TLK1: variants seen among roughly 807,000 people sequenced by gnomAD.
The protein encoded by TLK1 is tousled like kinase 1.
In TLK1, 24 loss-of-function variants were observed where a neutral mutation model predicts 105.3. The ratio of observed to expected loss-of-function variants is 0.23; its 90% CI spans 0.17 to 0.32. TLK1 has a LOEUF of 0.32. TLK1 is among the 10% of genes least tolerant of loss of function. The pLI is 1.00. For synonymous variants in TLK1, 321 were observed against 310.4 expected, an observed-to-expected ratio of 1.03 and a Z score of -0.36; for missense variants, 558 against 910.5, an observed-to-expected ratio of 0.61 and a Z score of 4.98.
rs147595376 is a variant in TLK1 at position 171,117,820 on chromosome 2, C to T, written c.177G>A (p.Arg59=). The part of the protein sequence containing the change: ...MDELHSLDPR[R]QELLEARFTG... ...TAAATCTAGCTTCCAATAACTCTTG[C>T]CTTCTTGGATCCAGACTATGAAGCT... The change falls in exon 2 of 21, where the codon AGG becomes AGA. Residue 59 remains arginine, a synonymous_variant. Transcript: ENST00000431350. 7.4e-6 allele frequency: 12 copies of T among 1,613,738 alleles called. No homozygotes were observed. Among genetic ancestry groups the T allele is most frequent in the Middle Eastern group, 3.3e-4 (2 of 6,052 alleles).
intron 1 of TLK1, among the ~76,000 whole-genome samples, chr2:171,203,666 GTTAA>G (rs1336825846): frequency 1.3e-5 from 2 of 152,172 alleles, no homozygotes; most frequent in African/African-American, 4.8e-5. Context: ...CATTGAGAAT[GTTAA>G]TTTATACAGA....
chr2:171,188,873 TAAA>T (rs35406910), intron 1 of TLK1, among the ~76,000 whole-genome samples: 4 of 125,542 alleles, frequency 3.2e-5, no homozygotes, highest in Non-Finnish European at 5.2e-5. Flanking sequence ...AGATTCTGTC[TAAA>T]AAAAAAAAAA....
At chr2:171,227,188 C>G (rs1693912883) in intron 1 of TLK1, among the ~76,000 whole-genome samples, 1 of 152,180 alleles carries the variant, frequency 6.6e-6, no homozygotes. Flanking sequence ...TGAGGTGGAG[C>G]TGACCCTTAC....
At chr2:171,029,908 G>A (rs553172275) in intron 11 of TLK1, among the ~76,000 whole-genome samples, 1 of 152,244 alleles carries the variant, frequency 6.6e-6, no homozygotes, top group East Asian at 1.9e-4. Flanking sequence ...ACCATGCCTA[G>A]CTAAGTTTTG....
At chr2:171,146,228 G>T (rs866114921) in intron 1 of TLK1, among the ~76,000 whole-genome samples, 50 of 152,234 alleles carry the variant, frequency 3.3e-4, no homozygotes, top group African/African-American at 1.2e-3. Context: ...GGAGGCAGAG[G>T]TGGGAAGATC....
intron 1 of TLK1, among the ~76,000 whole-genome samples, chr2:171,171,048 C>T (rs1487597230): frequency 6.6e-6 from 1 of 151,618 alleles, no homozygotes; most frequent in African/African-American, 2.4e-5. Context: ...AAAATTAAAA[C>T]AAATAAAGCT....
At chr2:171,059,765 A>C (rs1027138254) in intron 4 of TLK1, among the ~76,000 whole-genome samples, 4 of 152,196 alleles carry the variant, frequency 2.6e-5, no homozygotes, top group African/African-American at 9.7e-5. Flanking sequence ...GTTCCACCTC[A>C]GATCATCAGG....
At position 171,003,273 on chromosome 2, in the gene TLK1, C is replaced by CAAAAAAAAAAAAAA. The variant is rs777049271; in HGVS notation, c.1904+2860_1904+2873dup. On this transcript the variant is annotated intron_variant, in intron 18 of 20. Transcript: ENST00000431350. ...TGGGCGACAGAGCAAGACTCCGTCT[C>CAAAAAAAAAAAAAA]AAAAAAAAAAAAAAAAAAAAAAAAA... Among the ~76,000 whole-genome samples the CAAAAAAAAAAAAAA allele has an allele frequency of 2.5e-4, 17 of 68,498 alleles. 3 individuals carry two copies. Among genetic ancestry groups the CAAAAAAAAAAAAAA allele is most frequent in the African/African-American group, 9.8e-4 (12 of 12,232 alleles). 44.9% of individuals were successfully genotyped at this position (68,498 alleles called of 152,430 possible).
intron 3 of TLK1, chr2:171,081,761 G>A: frequency 8.1e-7 from 1 of 1,233,850 alleles, no homozygotes; most frequent in South Asian, 1.3e-5. Flanking sequence ...CTCCTTTGTA[G>A]TGTCAGGGTG....
At chr2:171,131,086 T>C (rs1186362179) in intron 1 of TLK1, among the ~76,000 whole-genome samples, 1 of 151,474 alleles carries the variant, frequency 6.6e-6, no homozygotes, top group Non-Finnish European at 1.5e-5. Flanking sequence ...TATATATAGA[T>C]AGATGCAGAG....
chr2:171,197,200 T>C (rs950985816), intron 1 of TLK1, among the ~76,000 whole-genome samples: 2 of 152,192 alleles, frequency 1.3e-5, no homozygotes, highest in African/African-American at 4.8e-5. Context: ...TATGATAAAC[T>C]TCTAGGTTTT....
At chr2:171,021,806 T>TTA (rs1291176602) in intron 12 of TLK1, among the ~76,000 whole-genome samples, 1 of 152,088 alleles carries the variant, frequency 6.6e-6, no homozygotes, top group African/African-American at 2.4e-5. Context: ...AGGATTAATA[T>TTA]TAAACACTGT....
chr2:171,055,203 C>CAAAAAAAAAAAA lies in TLK1; in HGVS notation c.550-43_550-32dup, dbSNP rs71399594. On this transcript the variant is annotated intron_variant, in intron 6 of 20. Coordinates refer to ENST00000431350, the MANE Select transcript of TLK1 (RefSeq NM_012290.5). The stretch of plus-strand genomic sequence containing the variant: ...GAAATTATTAAAATTTTTATATTAG[C>CAAAAAAAAAAAA]AAAAAAAAAAAAAAAAAACACAAAA... 27 of 518,322 alleles carry CAAAAAAAAAAAA rather than the reference C, an allele frequency of 5.2e-5. 1 individual carries two copies. The highest frequency in any genetic ancestry group is 5.4e-4 in the Middle Eastern group (1 of 1,842). The allele number at this position is 518,322 out of a possible 1,614,324, so 32.1% of individuals were successfully genotyped here.
intron 1 of TLK1, among the ~76,000 whole-genome samples, chr2:171,210,407 C>A (rs552326731): frequency 6.6e-6 from 1 of 152,026 alleles, no homozygotes; most frequent in Non-Finnish European, 1.5e-5. Flanking sequence ...CATACCACCA[C>A]ACCCAGCCAT....
At chr2:171,075,396 G>C (rs548725394) in intron 3 of TLK1, among the ~76,000 whole-genome samples, 28 of 152,228 alleles carry the variant, frequency 1.8e-4, no homozygotes, top group African/African-American at 5.5e-4. Context: ...TTAAGACTTG[G>C]TAGTTACCCA....
At chr2:171,020,582 G>A (rs1162055812) in intron 12 of TLK1, among the ~76,000 whole-genome samples, 4 of 151,306 alleles carry the variant, frequency 2.6e-5, no homozygotes, top group African/African-American at 7.3e-5. Context: ...TAAAAGGAAG[G>A]GCAGTGCAAA....
chr2:171,068,964 A>AT (rs1368900165), intron 3 of TLK1, among the ~76,000 whole-genome samples: 7 of 152,350 alleles, frequency 4.6e-5, no homozygotes, highest in African/African-American at 1.4e-4. Context: ...AAAGAATAAA[A>AT]TTCTGAAACA....
chr2:171,056,355 T>C (rs1283865125), intron 6 of TLK1, 116 bp downstream of exon 6: 1 of 694,030 alleles, frequency 1.4e-6, no homozygotes, highest in African/African-American at 1.9e-5. Context: ...TATTAAAAGA[T>C]AAATGCTAAC....
chr2:171,095,343 C>A (rs938947062), intron 2 of TLK1, among the ~76,000 whole-genome samples: 1 of 151,734 alleles, frequency 6.6e-6, no homozygotes, highest in Non-Finnish European at 1.5e-5. Flanking sequence ...AAAGTTGGAT[C>A]CTTGAAAACA....
Sources: allele counts gnomAD v4.1 joint callset (sites outside exome capture counted in the v4.1 genomes callset), GRCh38; gene constraint gnomAD v4.1.1; transcripts MANE v1.5; gene names NCBI Gene and HGNC (gene_info 2026-07-23, HGNC 2026-07-21).